SPAG17: variants seen among roughly 807,000 people sequenced by gnomAD.
The protein encoded by SPAG17 is sperm associated antigen 17.
In SPAG17, 169 loss-of-function variants were observed where a neutral mutation model predicts 273.6. The observed-to-expected ratio is 0.62, with a 90% CI of 0.55 to 0.70. The LOEUF (loss-of-function observed/expected upper bound fraction) is 0.70, where lower values mean the gene tolerates loss of function less well. Ranked by LOEUF, SPAG17 falls within the 30% of genes least tolerant of loss-of-function variation. SPAG17 has a pLI of 0.00. For missense variants in SPAG17, 2,557 were observed against 2,627.8 expected, an observed-to-expected ratio of 0.97 and a Z score of 0.59; for synonymous variants, 825 against 873.2, an observed-to-expected ratio of 0.94 and a Z score of 0.97.
At chr1:118,147,912 C>G (rs1257099122) in intron 3 of SPAG17, among the ~76,000 whole-genome samples, 2 of 152,150 alleles carry the variant, frequency 1.3e-5, no homozygotes, top group South Asian at 2.1e-4. Flanking sequence ...TAATCAACCA[C>G]AGGCTAGGAA....
At chr1:118,094,291 C>G (rs1292289236) in intron 7 of SPAG17, among the ~76,000 whole-genome samples, 4 of 152,062 alleles carry the variant, frequency 2.6e-5, no homozygotes, top group Admixed American at 2.6e-4. Flanking sequence ...CCCAATGATC[C>G]CTTAGCTTAA....
At position 117,994,463 on chromosome 1, in the gene SPAG17, A is replaced by G. The variant is rs770203326; in HGVS notation, c.5121T>C (p.Asp1707=). 9 of 1,612,952 alleles carry G rather than the reference A, an allele frequency of 5.6e-6. No individual in the cohort carries two copies. The highest frequency in any genetic ancestry group is 1.6e-4 in the Middle Eastern group (1 of 6,072). ...ACCGGAGATTAGGAGGGACAATTGT[A>G]TCTTCCTTTTTTACTTGCCATGGTG... is the stretch of plus-strand genomic sequence containing the variant. ...EASPWQVKKE[D]TIVPPNLRSR... is the part of the protein sequence containing the mutation. The change falls in exon 35 of 49, where the codon GAT becomes GAC. Residue 1707 remains aspartate, a synonymous_variant. Transcript: ENST00000336338.
At chr1:118,070,177 C>T (rs1000069325) in intron 17 of SPAG17, among the ~76,000 whole-genome samples, 2 of 151,664 alleles carry the variant, frequency 1.3e-5, no homozygotes, top group African/African-American at 2.4e-5. Flanking sequence ...ATAAAGGCAC[C>T]GGAATTTTAG....
intron 3 of SPAG17, among the ~76,000 whole-genome samples, chr1:118,128,972 G>C (rs1336458507): frequency 2.6e-5 from 4 of 152,218 alleles, no homozygotes; most frequent in African/African-American, 9.6e-5. Context: ...GTTCAGGCCA[G>C]TAGAATGAGG....
chr1:118,136,637 C>T (rs1401420685), intron 3 of SPAG17, among the ~76,000 whole-genome samples: 1 of 152,148 alleles, frequency 6.6e-6, no homozygotes, highest in Non-Finnish European at 1.5e-5. Flanking sequence ...GGCCTGCATG[C>T]ATAAAACAGG....
chr1:118,081,442 T>G lies in SPAG17; in HGVS notation c.1963A>C (p.Asn655His). 6.2e-7 allele frequency: 1 copy of G among 1,613,886 alleles called. No homozygotes were observed. The highest frequency in any genetic ancestry group is 8.5e-7 in the Non-Finnish European group (1 of 1,179,980). The change falls in exon 14 of 49, where the codon AAT (asparagine) becomes CAT (histidine). Residue 655 changes from asparagine to histidine, a missense_variant. Asn to His is a moderately conservative substitution (Grantham distance 68, BLOSUM62 1). Transcript: ENST00000336338. ...GCTTTCTGCTTGGCCTCTTGAGTAT[T>G]CATTTTCATGACATATTGCTGCCTT... ...QIRQQYVMKM[N>H]TQEAKQKADI... is the part of the protein sequence containing the mutation.
intron 20 of SPAG17, among the ~76,000 whole-genome samples, chr1:118,052,389 G>C (rs1651159169): frequency 1.3e-5 from 2 of 151,630 alleles, no homozygotes; most frequent in Admixed American, 1.3e-4. Flanking sequence ...TGGTTACCAG[G>C]GGCTGCAGGA....
intron 40 of SPAG17, among the ~76,000 whole-genome samples, chr1:117,986,114 A>C (rs1282891763): frequency 6.6e-6 from 1 of 152,220 alleles, no homozygotes; most frequent in Non-Finnish European, 1.5e-5. Context: ...ATCTGTGACC[A>C]GTGCTCTTAT....
chr1:118,147,099 C>T (rs984646632), intron 3 of SPAG17, among the ~76,000 whole-genome samples: 3 of 152,174 alleles, frequency 2.0e-5, no homozygotes, highest in Admixed American at 1.3e-4. Flanking sequence ...ATGCCTACCA[C>T]GCGCCAGGCT....
rs75089466 is a variant in SPAG17 at position 117,988,119 on chromosome 1, A to G, written c.5607T>C (p.Phe1869=). ...GATTAGCTTACCTCCATGTCTTTTC[A>G]AAGAAATCTTTACCAAATGTGTCTG... ...CPPDTFGKDF[F]EKTWRHTASS... Residue 1869 remains phenylalanine (F), a synonymous_variant, in exon 39 of 49, where the codon TTT becomes TTC. Transcript: ENST00000336338. 2 of 1,604,664 alleles carry G rather than the reference A, an allele frequency of 1.2e-6. No individual in the cohort carries two copies. Among genetic ancestry groups the G allele is most frequent in the Non-Finnish European group, 1.7e-6 (2 of 1,176,906 alleles).
intron 30 of SPAG17, among the ~76,000 whole-genome samples, chr1:118,009,916 T>TA (rs571042231): frequency 2.5e-3 from 377 of 150,878 alleles, no homozygotes; most frequent in South Asian, 7.6e-3. Context: ...TATTCAGTGT[T>TA]AAAAAAAAAG....
intron 10 of SPAG17, 129 bp from the exon 11 acceptor site, chr1:118,087,137 C>T (rs1655060231): frequency 2.1e-6 from 2 of 966,674 alleles, no homozygotes; most frequent in African/African-American, 1.7e-5. Flanking sequence ...CCACTGATGA[C>T]ACAAAATGGC....
intron 3 of SPAG17, among the ~76,000 whole-genome samples, chr1:118,140,869 G>A (rs1658642725): frequency 6.6e-6 from 1 of 152,104 alleles, no homozygotes; most frequent in Non-Finnish European, 1.5e-5. Context: ...TTTTTAACAA[G>A]GACTCACCAG....
At chr1:118,055,595 T>A in intron 19 of SPAG17, 138 bp downstream of exon 19, 1 of 664,902 alleles carries the variant, frequency 1.5e-6, no homozygotes, top group African/African-American at 1.8e-5. Flanking sequence ...CTCTATTTAC[T>A]AGAGAAAGTG....
chr1:118,117,711 G>T (rs1657173409), intron 3 of SPAG17, among the ~76,000 whole-genome samples: 1 of 152,188 alleles, frequency 6.6e-6, no homozygotes, highest in African/African-American at 2.4e-5. Flanking sequence ...CCCTGGGGCG[G>T]CCCACATGGA....
intron 17 of SPAG17, among the ~76,000 whole-genome samples, chr1:118,068,108 T>G (rs1464090296): frequency 6.6e-6 from 1 of 151,762 alleles, no homozygotes; most frequent in East Asian, 1.9e-4. Context: ...GCTTTTGGTT[T>G]TCTATTGTTT....
In SPAG17 at chr1:118,081,322, A is replaced by G. The variant is rs751490796; in HGVS notation, c.1991-3T>C. The G allele has an allele frequency of 1.2e-6, 2 of 1,613,406 alleles. No homozygotes were observed. The highest frequency in any genetic ancestry group is 1.7e-6 in the Non-Finnish European group (2 of 1,179,588). On this transcript the variant is annotated splice_region_variant and splice_polypyrimidine_tract_variant and intron_variant, in intron 14 of 48. Coordinates refer to ENST00000336338, the MANE Select transcript of SPAG17 (RefSeq NM_206996.4). ...TGTTCTGTCTTTGATTTTAATATCT[A>G]TTCAGTGTAAGGAACATCCATGAGA...
intron 1 of SPAG17, among the ~76,000 whole-genome samples, chr1:118,174,906 AG>A (rs1268781019): frequency 2.0e-5 from 3 of 152,220 alleles, no homozygotes; most frequent in Non-Finnish European, 4.4e-5. Flanking sequence ...AGACAGTCCC[AG>A]GTAGTCAAGC....
At chr1:118,054,173 G>T in intron 19 of SPAG17, 80 bp from the exon 20 acceptor site, 2 of 826,836 alleles carry the variant, frequency 2.4e-6, no homozygotes, top group Non-Finnish European at 1.9e-6. Context: ...GGTTAGATGA[G>T]ATCTCAAAGG....
Sources: gnomAD v4.1 joint callset for allele counts (sites outside exome capture counted in the v4.1 genomes callset) on GRCh38, gnomAD v4.1.1 for gene constraint, MANE v1.5 for transcripts, NCBI Gene and HGNC (gene_info 2026-07-23, HGNC 2026-07-21) for gene names.